The following XYLT1 variants were observed in gnomAD, a reference collection of about 807,000 sequenced individuals.
XYLT1 encodes the protein beta-D-xylosyltransferase 1.
Under a neutral mutation model 91.3 loss-of-function variants are expected in XYLT1, and 36 were observed. That is an observed-to-expected ratio of 0.39 (90% CI 0.30 to 0.52). The LOEUF (loss-of-function observed/expected upper bound fraction) is 0.52, where lower values mean the gene tolerates loss of function less well. Ranked by LOEUF, XYLT1 falls within the 20% of genes least tolerant of loss-of-function variation. The probability of loss-of-function intolerance (pLI) is 0.68; values close to 1 mark genes in which losing one functional copy is unlikely to be tolerated. For synonymous variants in XYLT1, 588 were observed against 532.0 expected, an observed-to-expected ratio of 1.11 and a Z score of -1.45; for missense variants, 1,242 against 1,284.5, an observed-to-expected ratio of 0.97 and a Z score of 0.51.
intron 3 of XYLT1, among the ~76,000 whole-genome samples, chr16:17,247,047 C>T (rs1293572276): frequency 6.6e-6 from 1 of 151,024 alleles, no homozygotes; most frequent in Non-Finnish European, 1.5e-5. Context: ...CCCTGGACTG[C>T]CAAGTAATTT....
chr16:17,288,704 T>C (rs4782012), intron 2 of XYLT1, among the ~76,000 whole-genome samples: 2,223 of 152,254 alleles, frequency 0.015, 97 homozygotes, highest in Admixed American at 0.1. Flanking sequence ...TACTGGAGGA[T>C]GAGAGACCAC....
chr16:17,227,627 T>G (rs962973521), intron 3 of XYLT1: 2 of 152,274 alleles, frequency 1.3e-5, no homozygotes, highest in African/African-American at 4.8e-5. Context: ...ATGTATTTCC[T>G]TGTTTGATGA....
chr16:17,422,313 T>G (rs1422197008), intron 1 of XYLT1, among the ~76,000 whole-genome samples: 1 of 151,504 alleles, frequency 6.6e-6, no homozygotes, highest in Non-Finnish European at 1.5e-5. Context: ...CCTCCCACCT[T>G]AGCCTCCTGA....
intron 2 of XYLT1, among the ~76,000 whole-genome samples, chr16:17,346,595 G>A (rs537722937): frequency 1.6e-4 from 25 of 152,318 alleles, no homozygotes; most frequent in African/African-American, 5.3e-4. Context: ...GGCAACCCAT[G>A]TGCAGGTCAG....
chr16:17,105,335 C>T lies in XYLT1; in HGVS notation c.*3360G>A, dbSNP rs994522275. On this transcript the variant is annotated 3_prime_UTR_variant, in exon 12 of 12. Transcript: ENST00000261381. ...TGGGGGCAGGTCCTGTGGTTCTGCT[C>T]ATCCTCTCTAAACTCCATTTGCGTT... is the stretch of plus-strand genomic sequence containing the variant. 7 of 152,316 alleles carry T rather than the reference C, an allele frequency of 4.6e-5. No homozygotes were observed. Among genetic ancestry groups the T allele is most frequent in the Non-Finnish European group, 8.8e-5 (6 of 68,026 alleles). The allele number at this position is 152,316 out of a possible 1,614,324, so 9.4% of individuals were successfully genotyped here. A position where few individuals can be genotyped will look rare whatever the true frequency, so the allele number is the denominator to read the frequency against.
At chr16:17,295,841 C>G (rs1567361332) in intron 2 of XYLT1, among the ~76,000 whole-genome samples, 1 of 152,122 alleles carries the variant, frequency 6.6e-6, no homozygotes, top group Non-Finnish European at 1.5e-5. Flanking sequence ...AATGATCTGG[C>G]CCCACATGTC....
intron 3 of XYLT1, among the ~76,000 whole-genome samples, chr16:17,228,898 G>C (rs1160790702): frequency 6.6e-6 from 1 of 152,190 alleles, no homozygotes; most frequent in African/African-American, 2.4e-5. Context: ...GACTCAGAGA[G>C]ATTAAGGCAT....
intron 1 of XYLT1, among the ~76,000 whole-genome samples, chr16:17,463,514 C>T (rs1300520616): frequency 3.3e-5 from 5 of 152,184 alleles, no homozygotes; most frequent in Non-Finnish European, 7.3e-5. Flanking sequence ...GTCAAAAGCA[C>T]AGTGAGATAT....
chr16:17,225,203 G>C (rs1166269189), intron 3 of XYLT1, among the ~76,000 whole-genome samples: 1 of 145,912 alleles, frequency 6.9e-6, no homozygotes, highest in Non-Finnish European at 1.5e-5. Context: ...TTTATAATTG[G>C]TCTGTGTCTC....
At chr16:17,423,029 GCA>G (rs1375887350) in intron 1 of XYLT1, among the ~76,000 whole-genome samples, 1 of 152,198 alleles carries the variant, frequency 6.6e-6, no homozygotes, top group African/African-American at 2.4e-5. Context: ...GTACGTCGAA[GCA>G]CAGTCATCCA....
At position 17,253,859 on chromosome 16, in the gene XYLT1, A is replaced by AGAGAGAGC. The variant is rs1555491314; in HGVS notation, c.913+5128_913+5129insGCTCTCTC. On this transcript the variant is annotated intron_variant, in intron 3 of 11. Coordinates refer to ENST00000261381, the MANE Select transcript of XYLT1 (RefSeq NM_022166.4). ...GAGAGAGAGAGAGAGAGAGAGAGAG[A>AGAGAGAGC]GAGCGAGCCTGCAGGTGGAAGAACA... is the stretch of plus-strand genomic sequence containing the variant. Among the ~76,000 whole-genome samples the AGAGAGAGC allele has an allele frequency of 3.1e-3, 456 of 146,242 alleles. 4 individuals carry two copies. Among genetic ancestry groups the AGAGAGAGC allele is most frequent in the African/African-American group, 8.6e-3 (335 of 39,054 alleles).
intron 1 of XYLT1, among the ~76,000 whole-genome samples, chr16:17,446,532 T>C (rs890185848): frequency 6.6e-6 from 1 of 151,792 alleles, no homozygotes; most frequent in Non-Finnish European, 1.5e-5. Context: ...TGATGCTGCC[T>C]CTTCTAGGAA....
At chr16:17,462,512 G>A (rs147935881) in intron 1 of XYLT1, among the ~76,000 whole-genome samples, 187 of 152,302 alleles carry the variant, frequency 1.2e-3, no homozygotes, top group African/African-American at 3.9e-3. Context: ...GCGGGCAAAC[G>A]GGTAGTTTCT....
chr16:17,392,724 C>G (rs2035835085), intron 1 of XYLT1, among the ~76,000 whole-genome samples: 1 of 152,154 alleles, frequency 6.6e-6, no homozygotes, highest in African/African-American at 2.4e-5. Flanking sequence ...CATATCTCTC[C>G]AGGTGGCCTC....
At chr16:17,263,982 T>G (rs2033763905) in intron 2 of XYLT1, among the ~76,000 whole-genome samples, 1 of 152,196 alleles carries the variant, frequency 6.6e-6, no homozygotes, top group Non-Finnish European at 1.5e-5. Flanking sequence ...GTGCTGGGAC[T>G]ACTATGATAA....
chr16:17,264,822 ACTCT>A (rs149665827), intron 2 of XYLT1, among the ~76,000 whole-genome samples: 422 of 152,078 alleles, frequency 2.8e-3, no homozygotes, highest in Non-Finnish European at 4.3e-3. Flanking sequence ...AGTGATTCAA[ACTCT>A]CTGTGTCTCA....
At chr16:17,116,197 A>T (rs1378462802) in intron 11 of XYLT1, among the ~76,000 whole-genome samples, 15 of 152,158 alleles carry the variant, frequency 9.9e-5, no homozygotes, top group Admixed American at 9.8e-4. Flanking sequence ...AAGGAGGTGA[A>T]AAGGGGCGGG....
chr16:17,463,656 G>C (rs1474612332), intron 1 of XYLT1, among the ~76,000 whole-genome samples: 2 of 152,232 alleles, frequency 1.3e-5, no homozygotes, highest in Admixed American at 6.5e-5. Flanking sequence ...ATGGAGAAGA[G>C]TATGAAGGTT....
At position 17,117,702 on chromosome 16, in the gene XYLT1, T is replaced by C; in HGVS notation, c.2501A>G (p.Glu834Gly). ...CAGAGGCGCAACGAGGAATTTGGTC[T>C]CTGCAACTGGCACCCAGTGGTGGAG... is the stretch of plus-strand genomic sequence containing the variant. ...KILHHWVPVA[E>G]TKFLVAPLTF... Residue 834 changes from glutamate to glycine, a missense_variant, in exon 11 of 12, where the codon GAG becomes GGG. Physicochemically the swap from Glu to Gly is moderately conservative, Grantham distance 98 (BLOSUM62 -2). Coordinates refer to ENST00000261381, the MANE Select transcript of XYLT1 (RefSeq NM_022166.4). 1 of 1,614,176 alleles carries C rather than the reference T, an allele frequency of 6.2e-7. No individual in the cohort carries two copies. The highest frequency in any genetic ancestry group is 8.5e-7 in the Non-Finnish European group (1 of 1,180,008).
Sources: gnomAD v4.1 joint callset for allele counts (sites outside exome capture counted in the v4.1 genomes callset) on GRCh38, gnomAD v4.1.1 for gene constraint, MANE v1.5 for transcripts, NCBI Gene and HGNC (gene_info 2026-07-23, HGNC 2026-07-21) for gene names.